NEGR1: variants seen among roughly 807,000 people sequenced by gnomAD.
NEGR1 encodes the protein IgLON family member 4.
NEGR1 carries 10 observed loss-of-function variants against 40.9 expected under a neutral mutation model. The ratio of observed to expected loss-of-function variants is 0.24; its 90% confidence interval spans 0.15 to 0.42. The LOEUF (loss-of-function observed/expected upper bound fraction) is 0.42. Ranked by LOEUF, NEGR1 falls within the 10% of genes least tolerant of loss-of-function variation. NEGR1 has a pLI of 1.00. For synonymous variants in NEGR1, 185 were observed against 166.8 expected (o/e 1.11, Z -0.84); for missense variants, 352 against 438.9 (o/e 0.80, Z 1.77).
chr1:72,264,513 T>G (rs2100549521), intron 1 of NEGR1, among the ~76,000 whole-genome samples: 1 of 145,340 alleles, frequency 6.9e-6, no homozygotes, highest in East Asian at 2.0e-4. Context: ...TATTTAAGTT[T>G]TAAATATAGA....
At chr1:71,431,852 A>G (rs557015715) in intron 6 of NEGR1, among the ~76,000 whole-genome samples, 1 of 152,340 alleles carries the variant, frequency 6.6e-6, no homozygotes, top group African/African-American at 2.4e-5. Flanking sequence ...TAAATAAAGT[A>G]ATTCTTTGCA....
At chr1:71,417,705 A>G (rs555477536) in intron 6 of NEGR1, among the ~76,000 whole-genome samples, 2 of 152,286 alleles carry the variant, frequency 1.3e-5, no homozygotes, top group South Asian at 4.1e-4. Context: ...AAAGGGGATA[A>G]AATTATCCCT....
At chr1:72,215,877 A>T (rs1315171305) in intron 1 of NEGR1, among the ~76,000 whole-genome samples, 1 of 152,098 alleles carries the variant, frequency 6.6e-6, no homozygotes, top group Non-Finnish European at 1.5e-5. Flanking sequence ...CCTAAGTATT[A>T]TAAATCATTG....
At chr1:71,595,416 A>G (rs572134745) in intron 5 of NEGR1, among the ~76,000 whole-genome samples, 1 of 152,326 alleles carries the variant, frequency 6.6e-6, no homozygotes, top group South Asian at 2.1e-4. Flanking sequence ...AACATCACGT[A>G]AGAACCTATC....
At chr1:71,932,537 A>T (rs1272228134) in intron 2 of NEGR1, among the ~76,000 whole-genome samples, 1 of 152,064 alleles carries the variant, frequency 6.6e-6, no homozygotes, top group African/African-American at 2.4e-5. Flanking sequence ...TAGCACTAAT[A>T]AATTTCTCAA....
chr1:71,933,458 A>C (rs1479332021), intron 2 of NEGR1, among the ~76,000 whole-genome samples: 1 of 152,072 alleles, frequency 6.6e-6, no homozygotes, highest in Non-Finnish European at 1.5e-5. Flanking sequence ...AGTAACTCGA[A>C]CATATTATTG....
intron 2 of NEGR1, among the ~76,000 whole-genome samples, chr1:71,905,886 G>T (rs1443802302): frequency 1.3e-5 from 2 of 150,208 alleles, no homozygotes; most frequent in Non-Finnish European, 3.0e-5. Context: ...AAAAAGAAAG[G>T]CTGAGAAAAT....
At chr1:71,527,924 T>A (rs1396280661) in intron 6 of NEGR1, among the ~76,000 whole-genome samples, 5 of 151,400 alleles carry the variant, frequency 3.3e-5, no homozygotes, top group Non-Finnish European at 5.9e-5. Flanking sequence ...TTTATTGTAT[T>A]GTCTTCTCTT....
chr1:71,586,213 T>G (rs1372189002), intron 6 of NEGR1, among the ~76,000 whole-genome samples: 1 of 152,118 alleles, frequency 6.6e-6, no homozygotes, highest in Non-Finnish European at 1.5e-5. Flanking sequence ...CTAGTTATGT[T>G]GCTTGACTTT....
intron 4 of NEGR1, among the ~76,000 whole-genome samples, chr1:71,683,069 A>G (rs530473713): frequency 6.6e-6 from 1 of 152,288 alleles, no homozygotes; most frequent in African/African-American, 2.4e-5. Flanking sequence ...TAGAAACTCA[A>G]AATGGACTAA....
intron 1 of NEGR1, among the ~76,000 whole-genome samples, chr1:72,115,778 T>A (rs918899706): frequency 2.6e-5 from 4 of 151,626 alleles, no homozygotes; most frequent in African/African-American, 9.7e-5. Context: ...GAAGGGAATT[T>A]CAAATTTGGA....
chr1:71,432,690 A>G (rs763215012), intron 6 of NEGR1, among the ~76,000 whole-genome samples: 4 of 152,196 alleles, frequency 2.6e-5, no homozygotes, highest in Non-Finnish European at 5.9e-5. Flanking sequence ...AATTCCAAAG[A>G]TAACTATTTA....
intron 4 of NEGR1, among the ~76,000 whole-genome samples, chr1:71,659,743 C>A (rs752342371): frequency 1.3e-5 from 2 of 152,118 alleles, no homozygotes; most frequent in Non-Finnish European, 2.9e-5. Context: ...TCTCACTGAT[C>A]ATTAGAGAAA....
chr1:71,996,641 A>ATCCCATTCCTTCTTGCCTGC (rs1359408110), intron 1 of NEGR1, among the ~76,000 whole-genome samples: 2 of 152,036 alleles, frequency 1.3e-5, no homozygotes, highest in East Asian at 3.9e-4. Flanking sequence ...TATGATCTTG[A>ATCCCATTCCTTCTTGCCTGC]TCCCATTCCT....
intron 1 of NEGR1, among the ~76,000 whole-genome samples, chr1:72,076,604 A>G (rs745858923): frequency 6.8e-6 from 1 of 146,326 alleles, no homozygotes; most frequent in African/African-American, 2.5e-5. Context: ...TTGATCTTCC[A>G]TAACAAGTGA....
At chr1:71,881,904 T>C (rs537062644) in intron 2 of NEGR1, among the ~76,000 whole-genome samples, 28 of 152,238 alleles carry the variant, frequency 1.8e-4, no homozygotes, top group Admixed American at 7.2e-4. Flanking sequence ...CAGCCAGTTC[T>C]TAGAATGGTT....
intron 3 of NEGR1, among the ~76,000 whole-genome samples, chr1:71,714,209 T>A (rs555090974): frequency 6.6e-6 from 1 of 152,180 alleles, no homozygotes. Flanking sequence ...CCATCAGATC[T>A]CATGAGGACT....
At chr1:72,233,409 T>G (rs1034198913) in intron 1 of NEGR1, among the ~76,000 whole-genome samples, 1 of 152,166 alleles carries the variant, frequency 6.6e-6, no homozygotes, top group African/African-American at 2.4e-5. Context: ...GTAGTGAGCA[T>G]AGTACACAAT....
intron 6 of NEGR1, among the ~76,000 whole-genome samples, chr1:71,431,558 C>G (rs1274880886): frequency 1.8e-5 from 1 of 56,908 alleles, no homozygotes; most frequent in African/African-American, 4.4e-5. Context: ...ATCCATCCAT[C>G]TGTTTATCCA....
Sources: allele counts gnomAD v4.1 joint callset (sites outside exome capture counted in the v4.1 genomes callset), GRCh38; gene constraint gnomAD v4.1.1; transcripts MANE v1.5; gene names NCBI Gene and HGNC (gene_info 2026-07-23, HGNC 2026-07-21).